The following SYNE1 variants were observed in gnomAD, a reference collection of about 807,000 sequenced individuals.
SYNE1 encodes the protein nesprin-1.
In SYNE1, 616 loss-of-function variants were observed where a neutral mutation model predicts 1,111.0. The observed-to-expected ratio is 0.55, with a 90% CI of 0.52 to 0.59. The LOEUF is 0.59. Among genes scored for constraint, SYNE1 ranks in the 20% least tolerant of loss-of-function variants. SYNE1 has a pLI of 0.00. For missense variants in SYNE1, 10,006 were observed against 10,417.0 expected (o/e 0.96, Z 1.72); for synonymous variants, 3,855 against 3,825.8 (o/e 1.01, Z -0.28).
chr6:152,393,307 G>A (rs1397926148), intron 51 of SYNE1, among the ~76,000 whole-genome samples: 1 of 152,096 alleles, frequency 6.6e-6, no homozygotes, highest in East Asian at 1.9e-4. Flanking sequence ...GCAGCCTGTA[G>A]AGACGAAATA....
intron 43 of SYNE1, 34 bp from the exon 44 acceptor site, chr6:152,409,260 G>A (rs773364887): frequency 1.3e-6 from 2 of 1,599,908 alleles, no homozygotes; most frequent in East Asian, 4.5e-5. Context: ...TAATAAAATA[G>A]TCAGTGATAA....
intron 5 of SYNE1, among the ~76,000 whole-genome samples, chr6:152,522,373 G>A (rs1338066702): frequency 6.6e-6 from 1 of 152,034 alleles, no homozygotes; most frequent in Non-Finnish European, 1.5e-5. Context: ...CCAAATTGCT[G>A]CAAAAGACAT....
chr6:152,560,432 T>C (rs971454272), intron 3 of SYNE1, among the ~76,000 whole-genome samples: 6 of 150,846 alleles, frequency 4.0e-5, no homozygotes, highest in Non-Finnish European at 8.9e-5. Flanking sequence ...GGAAGGAGAT[T>C]GAAGTAGTAA....
At chr6:152,345,077 A>C (rs2096607165) in intron 73 of SYNE1, among the ~76,000 whole-genome samples, 1 of 152,118 alleles carries the variant, frequency 6.6e-6, no homozygotes, top group African/African-American at 2.4e-5. Flanking sequence ...TCCCTTATTT[A>C]TTCTTATTCC....
At chr6:152,406,565 T>C (rs2097904961) in intron 45 of SYNE1, among the ~76,000 whole-genome samples, 1 of 152,044 alleles carries the variant, frequency 6.6e-6, no homozygotes, top group African/African-American at 2.4e-5. Context: ...TGCTCTTCTA[T>C]GTCTCTAAAA....
intron 5 of SYNE1, among the ~76,000 whole-genome samples, chr6:152,523,093 T>C (rs1396128692): frequency 1.3e-5 from 2 of 152,118 alleles, no homozygotes; most frequent in African/African-American, 4.8e-5. Context: ...TAGTTGCATT[T>C]GCTCTTAGGG....
chr6:152,451,300 C>T (rs1328966593), intron 25 of SYNE1, 95 bp from the exon 26 acceptor site: 4 of 1,322,928 alleles, frequency 3.0e-6, no homozygotes, highest in Non-Finnish European at 4.3e-6. Flanking sequence ...AAAACCATAA[C>T]ATATTCCTTT....
intron 51 of SYNE1, among the ~76,000 whole-genome samples, chr6:152,393,260 T>C (rs2097675684): frequency 6.6e-6 from 1 of 152,094 alleles, no homozygotes; most frequent in Admixed American, 6.6e-5. Context: ...TTTGGTGTAA[T>C]GATGGCAGGA....
At chr6:152,277,542 C>T (rs1243082778) in intron 98 of SYNE1, 1 of 159,120 alleles carries the variant, frequency 6.3e-6, no homozygotes, top group Non-Finnish European at 1.4e-5. Context: ...CTTGTCTCGG[C>T]CTCCCAAAGT....
At chr6:152,373,800 T>C (rs926756675) in intron 58 of SYNE1, among the ~76,000 whole-genome samples, 3 of 152,160 alleles carry the variant, frequency 2.0e-5, no homozygotes, top group Admixed American at 6.5e-5. Context: ...AGATAAGAGC[T>C]GTAAAATAAA....
intron 3 of SYNE1, among the ~76,000 whole-genome samples, chr6:152,577,484 T>G (rs1423280086): frequency 6.6e-6 from 1 of 152,026 alleles, no homozygotes; most frequent in Non-Finnish European, 1.5e-5. Flanking sequence ...CACAAAATAA[T>G]TAGCCGGGCA....
chr6:152,584,308 A>G (rs1217289497), intron 3 of SYNE1, among the ~76,000 whole-genome samples: 1 of 152,190 alleles, frequency 6.6e-6, no homozygotes, highest in Non-Finnish European at 1.5e-5. Flanking sequence ...GGATCATACT[A>G]TACTTTAACT....
intron 93 of SYNE1, among the ~76,000 whole-genome samples, chr6:152,295,599 A>ATG (rs1245744041): frequency 2.6e-5 from 4 of 151,850 alleles, no homozygotes; most frequent in East Asian, 1.9e-4. Flanking sequence ...TCATTTATGC[A>ATG]TGTGTGTGTG....
chr6:152,362,057 G>T (rs371644661), intron 64 of SYNE1, 113 bp downstream of exon 64: 3 of 1,422,896 alleles, frequency 2.1e-6, no homozygotes, highest in Admixed American at 3.5e-5. Context: ...AGCCCCAAAC[G>T]TAATTTGCTT....
chr6:152,275,785 G>A (rs2093576577), intron 98 of SYNE1, among the ~76,000 whole-genome samples: 1 of 151,474 alleles, frequency 6.6e-6, no homozygotes, highest in East Asian at 2.0e-4. Flanking sequence ...GGAGGCTGAG[G>A]TGGGAGCATT....
At chr6:152,498,273 C>G (rs1261011841) in intron 11 of SYNE1, among the ~76,000 whole-genome samples, 1 of 152,162 alleles carries the variant, frequency 6.6e-6, no homozygotes, top group Non-Finnish European at 1.5e-5. Context: ...ATGAATTTTA[C>G]TAAACCATGA....
chr6:152,585,100 T>C (rs2099533369), intron 3 of SYNE1, among the ~76,000 whole-genome samples: 1 of 152,112 alleles, frequency 6.6e-6, no homozygotes, highest in African/African-American at 2.4e-5. Flanking sequence ...TGAGTTCTCA[T>C]GAGAGTTGAG....
At chr6:152,235,238 C>T (rs1015438256) in intron 110 of SYNE1, among the ~76,000 whole-genome samples, 2 of 152,144 alleles carry the variant, frequency 1.3e-5, no homozygotes, top group Non-Finnish European at 2.9e-5. Context: ...TGTGATATCT[C>T]AGACACAGTG....
rs763637795 is a variant in SYNE1 at position 152,330,460 on chromosome 6, C to T, written c.14225G>A (p.Ser4742Asn). Residue 4742 changes from serine to asparagine, a missense_variant, in exon 78 of 146, where the codon AGC (serine) becomes AAC (asparagine). Around this residue, in one of 7 missense-constraint regions of SYNE1, gnomAD observed 4,955 missense variants for 5,017.2 expected, o/e 0.99. Coordinates refer to ENST00000367255, the MANE Select transcript of SYNE1 (RefSeq NM_182961.4). Reference protein sequence around the residue: ...ELNQKKEGFRSTGQPWQPDKM... With the variant: ...ELNQKKEGFRNTGQPWQPDKM... Reference sequence around the variant, plus strand: ...GTCTGGCTGCCAAGGCTGACCTGTGCTGCGAAAACCTTCTTTTTTCTGGTT... The same window carrying T: ...GTCTGGCTGCCAAGGCTGACCTGTGTTGCGAAAACCTTCTTTTTTCTGGTT... 1.1e-5 allele frequency: 17 copies of T among 1,614,058 alleles called. No homozygotes were observed. The highest frequency in any genetic ancestry group is 3.3e-5 in the Admixed American group (2 of 60,002).
Sources: allele counts gnomAD v4.1 joint callset (sites outside exome capture counted in the v4.1 genomes callset), GRCh38; gene constraint gnomAD v4.1.1; regional missense constraint gnomAD v4.1.1; transcripts MANE v1.5; gene names NCBI Gene and HGNC (gene_info 2026-07-23, HGNC 2026-07-21).